MGAT5: variants seen among roughly 807,000 people sequenced by gnomAD.
MGAT5 encodes alpha-1,6-mannosylglycoprotein 6-beta-N-acetylglucosaminyltransferase.
A neutral mutation model predicts 94.3 loss-of-function variants in MGAT5; 30 were observed. That is an observed-to-expected ratio of 0.32 (90% confidence interval 0.24 to 0.43). The LOEUF (loss-of-function observed/expected upper bound fraction) is 0.43. Among genes scored for constraint, MGAT5 ranks in the 20% least tolerant of loss-of-function variants. MGAT5 has a pLI of 1.00. For synonymous variants in MGAT5, 310 were observed against 322.9 expected, an observed-to-expected ratio of 0.96 and a Z score of 0.43; for missense variants, 691 against 905.5, an observed-to-expected ratio of 0.76 and a Z score of 3.04.
At chr2:134,157,564 A>C (rs1687533441) in intron 1 of MGAT5, among the ~76,000 whole-genome samples, 1 of 152,090 alleles carries the variant, frequency 6.6e-6, no homozygotes, top group South Asian at 2.1e-4. Context: ...CATGGAAGAC[A>C]AGTCTTCCAT....
At chr2:134,430,968 C>T (rs990972159) in intron 14 of MGAT5, among the ~76,000 whole-genome samples, 1 of 152,142 alleles carries the variant, frequency 6.6e-6, no homozygotes, top group African/African-American at 2.4e-5. Flanking sequence ...GCCCAGCCCG[C>T]CGAGGGAGGA....
rs148534289 is a variant in MGAT5 at position 134,385,821 on chromosome 2, G to A, written c.1381-17167G>A. Among the ~76,000 whole-genome samples the A allele has an allele frequency of 4.2e-3, 636 of 152,308 alleles. 4 individuals are homozygous for A. Among genetic ancestry groups the A allele is most frequent in the African/African-American group, 0.014 (583 of 41,568 alleles). On this transcript the variant is annotated intron_variant, in intron 10 of 15. Transcript: ENST00000281923. ...GGTATTTTTGGGAGGAGGAAGAAATGCAGATGATTAGGCTTGATAAATGCT... is the reference window on the plus strand; with the variant it reads ...GGTATTTTTGGGAGGAGGAAGAAATACAGATGATTAGGCTTGATAAATGCT...
intron 14 of MGAT5, among the ~76,000 whole-genome samples, chr2:134,441,273 C>T (rs1187923095): frequency 1.4e-5 from 2 of 145,778 alleles, no homozygotes; most frequent in Admixed American, 1.3e-4. Context: ...ATAAAAGTAG[C>T]GCTTATGAAA....
At chr2:134,375,456 A>G (rs967537613) in intron 10 of MGAT5, among the ~76,000 whole-genome samples, 5 of 152,238 alleles carry the variant, frequency 3.3e-5, no homozygotes, top group South Asian at 2.1e-4. Context: ...TATGCAGAGT[A>G]GTGAAACCGA....
chr2:134,341,569 A>G (rs372972207), intron 6 of MGAT5, 21 bp from the exon 7 acceptor site: 60 of 1,607,718 alleles, frequency 3.7e-5, no homozygotes, highest in Non-Finnish European at 4.5e-5. Flanking sequence ...GTGAATCAGT[A>G]TATGCCTCTT....
At position 134,282,398 on chromosome 2, in the gene MGAT5, A is replaced by T. The variant is rs543912530; in HGVS notation, c.406+11848A>T. ...AGCCATCATCTCTACCTTTGAGTTG[A>T]TGTGTATAACTGAATAATAGTGCTG... On this transcript the variant is annotated intron_variant, in intron 2 of 15. Coordinates refer to ENST00000281923, the MANE Select transcript of MGAT5 (RefSeq NM_002410.5). Among the ~76,000 whole-genome samples, 4 of 152,322 alleles carry T rather than the reference A, an allele frequency of 2.6e-5. No homozygotes were observed. The East Asian group carries it at 7.7e-4, about 29-fold the overall frequency.
In MGAT5 at chr2:134,263,997, G is replaced by T. The variant is rs562820468; in HGVS notation, c.242-6389G>T. On this transcript the variant is annotated intron_variant, in intron 1 of 15. Coordinates refer to ENST00000281923, the MANE Select transcript of MGAT5 (RefSeq NM_002410.5). Reference sequence around the variant, plus strand: ...ATGCTTTTTTAAAAATTAAGATACTGCATTTCCTTATGCCATTAGGTTTTT... The same window carrying T: ...ATGCTTTTTTAAAAATTAAGATACTTCATTTCCTTATGCCATTAGGTTTTT... Among the ~76,000 whole-genome samples, 643 of 143,600 alleles carry T rather than the reference G, an allele frequency of 4.5e-3. 9 individuals carry two copies. Among genetic ancestry groups the T allele is most frequent in the African/African-American group, 0.016 (618 of 38,370 alleles). The allele number at this position is 143,600 out of a possible 152,430, so 94.2% of individuals were successfully genotyped here.
rs189230088 is a variant in MGAT5, at chr2:134,344,920, G to T, written c.978-10G>T. The T allele has an allele frequency of 1.9e-6, 3 of 1,609,114 alleles. No homozygotes were observed. In the African/African-American group the frequency reaches 4.0e-5, roughly 22 times the overall value. ...TCTTTTTTCTCCCCTCTCTTTTGCC[G>T]TTTCTCTAGAATCATGAAGAAGGTT... On this transcript the variant is annotated splice_polypyrimidine_tract_variant and intron_variant, in intron 7 of 15. Transcript: ENST00000281923.
At chr2:134,338,211 T>A in intron 5 of MGAT5, 48 bp from the exon 6 acceptor site, 1 of 1,482,674 alleles carries the variant, frequency 6.7e-7, no homozygotes, top group Non-Finnish European at 9.2e-7. Flanking sequence ...ACTATTATGC[T>A]TTCTGACTTT....
intron 14 of MGAT5, among the ~76,000 whole-genome samples, chr2:134,432,854 T>C (rs1445800981): frequency 6.6e-6 from 1 of 152,222 alleles, no homozygotes; most frequent in Non-Finnish European, 1.5e-5. Context: ...CCCATGTGGG[T>C]GCTCTCAAAG....
Position 134,338,319 on chromosome 2 carries a change from C to T in MGAT5, c.706C>T (p.Arg236Trp), listed in dbSNP as rs1435463806. 3 of 1,612,694 alleles carry T rather than the reference C, an allele frequency of 1.9e-6. No individual in the cohort carries two copies. The highest frequency in any genetic ancestry group is 1.7e-5 in the Admixed American group (1 of 59,850). Residue 236 changes from arginine to tryptophan, a missense_variant, in exon 6 of 16, where the codon CGG becomes TGG. Physicochemically the swap from Arg to Trp is moderately radical, Grantham distance 101. Coordinates refer to ENST00000281923, the MANE Select transcript of MGAT5 (RefSeq NM_002410.5). ...TATGATGAAAAAGCATGAAGAATTC[C>T]GGTGGATGAGACTACGGATCCGGCG... is the stretch of plus-strand genomic sequence containing the variant. ...YSMMKKHEEF[R>W]WMRLRIRRMA...
chr2:134,233,092 G>A (rs913272376), intron 1 of MGAT5, among the ~76,000 whole-genome samples: 6 of 152,198 alleles, frequency 3.9e-5, no homozygotes, highest in Non-Finnish European at 7.3e-5. Flanking sequence ...TGATGTCATC[G>A]TGAGTTGTTT....
intron 2 of MGAT5, among the ~76,000 whole-genome samples, chr2:134,299,108 A>G (rs1685867502): frequency 6.6e-6 from 1 of 152,180 alleles, no homozygotes. Flanking sequence ...CCAAGCGTCA[A>G]TACCACTATC....
chr2:134,375,945 T>C (rs1681142392), intron 10 of MGAT5, among the ~76,000 whole-genome samples: 1 of 152,214 alleles, frequency 6.6e-6, no homozygotes, highest in Non-Finnish European at 1.5e-5. Context: ...AGTACAGGGC[T>C]GCCCCAGAGG....
chr2:134,294,513 T>C (rs938480137), intron 2 of MGAT5, among the ~76,000 whole-genome samples: 1 of 152,146 alleles, frequency 6.6e-6, no homozygotes, highest in African/African-American at 2.4e-5. Flanking sequence ...AGGGGATTTG[T>C]AGTTGTGAAT....
intron 15 of MGAT5, among the ~76,000 whole-genome samples, chr2:134,443,091 G>A (rs1685575540): frequency 6.6e-6 from 1 of 152,164 alleles, no homozygotes; most frequent in South Asian, 2.1e-4. Flanking sequence ...CTTAAGTGTG[G>A]TATAAAACCC....
chr2:134,208,370 G>A lies in MGAT5; in HGVS notation c.-142-45892G>A, dbSNP rs78336986. 9.9e-3 allele frequency among the ~76,000 whole-genome samples: 1,508 copies of A among 152,208 alleles called. 25 individuals carry two copies. The highest frequency in any genetic ancestry group is 0.035 in the African/African-American group (1,453 of 41,522). On this transcript the variant is annotated intron_variant, in intron 1 of 16. Coordinates refer to the MGAT5 transcript ENST00000409645. The stretch of plus-strand genomic sequence containing the variant: ...ACTTAACTATTAGTATGTATGCTAC[G>A]GTGTAAATGTACCACACTCAGAAAA...
chr2:134,292,760 A>G (rs1327963324), intron 2 of MGAT5, among the ~76,000 whole-genome samples: 1 of 152,168 alleles, frequency 6.6e-6, no homozygotes, highest in East Asian at 1.9e-4. Context: ...ACTCCGAGCA[A>G]GGGGTAGCTC....
intron 1 of MGAT5, among the ~76,000 whole-genome samples, chr2:134,186,035 T>TG: frequency 6.6e-6 from 1 of 152,270 alleles, no homozygotes; most frequent in Admixed American, 6.5e-5. Flanking sequence ...GTGTGGGGCT[T>TG]GGGGCTCGGG....
Sources: gnomAD v4.1 joint callset for allele counts (sites outside exome capture counted in the v4.1 genomes callset) on GRCh38, gnomAD v4.1.1 for gene constraint, MANE v1.5 for transcripts, NCBI Gene and HGNC (gene_info 2026-07-23, HGNC 2026-07-21) for gene names.